The following MRTFA variants were observed in gnomAD, a reference collection of about 807,000 sequenced individuals.
MRTFA encodes myocardin related transcription factor A, also known as myocardin-related transcription factor A.
Under a neutral mutation model 83.5 loss-of-function variants are expected in MRTFA, and 20 were observed. The observed-to-expected ratio is 0.24, with a 90% CI of 0.17 to 0.35. The LOEUF (loss-of-function observed/expected upper bound fraction) is 0.35, where lower values mean the gene tolerates loss of function less well. Among genes scored for constraint, MRTFA ranks in the 10% least tolerant of loss-of-function variants. MRTFA has a pLI of 1.00. For synonymous variants in MRTFA, 659 were observed against 541.2 expected (o/e 1.22, Z -3.02); for missense variants, 1,200 against 1,224.7 (o/e 0.98, Z 0.30).
chr22:40,440,187 A>G (rs1303779079), intron 4 of MRTFA, among the ~76,000 whole-genome samples: 1 of 151,984 alleles, frequency 6.6e-6, no homozygotes, highest in Non-Finnish European at 1.5e-5. Context: ...CAAGATCATA[A>G]TGACCAATCC....
chr22:40,498,271 ATATTTTTTTTTTT>A (rs2054393606), intron 3 of MRTFA, among the ~76,000 whole-genome samples: 2 of 81,628 alleles, frequency 2.5e-5, no homozygotes, highest in Non-Finnish European at 4.4e-5. Context: ...ATATATATAT[ATATTTTTTTTTTT>A]TTTTTTTTTT....
At chr22:40,636,443 T>TGGGGGAGGGGTCCCCA (rs1359718808) in intron 1 of MRTFA, 35 bp downstream of exon 1, 3 of 151,470 alleles carry the variant, frequency 2.0e-5, no homozygotes, top group Non-Finnish European at 2.9e-5. Flanking sequence ...GAGGCCGCGG[T>TGGGGGAGGGGTCCCCA]GGGGGAGGGG....
At chr22:40,533,725 T>C in intron 3 of MRTFA, 1 of 664,238 alleles carries the variant, frequency 1.5e-6, no homozygotes, top group Non-Finnish European at 2.1e-6. Flanking sequence ...TTTCACAAAT[T>C]CAATCTGATG....
rs528648414 is a variant in MRTFA at position 40,552,271 on chromosome 22, C to T, written c.76G>A (p.Glu26Lys). Residue 26 changes from glutamate to lysine, a missense_variant, in exon 3 of 15, where the codon GAA becomes AAA. Glu to Lys is a moderately conservative substitution (Grantham distance 56, BLOSUM62 1). Coordinates refer to ENST00000355630, the MANE Select transcript of MRTFA (RefSeq NM_020831.6). ...ACGAGCACTGGTTCATCATCATTTTCGCCGGCCCCTCCTCCGTCCAGCCCA... is the reference window on the plus strand; with the variant it reads ...ACGAGCACTGGTTCATCATCATTTTTGCCGGCCCCTCCTCCGTCCAGCCCA... 19 of 399,016 alleles carry T rather than the reference C, an allele frequency of 4.8e-5. No individual in the cohort carries two copies. The highest frequency in any genetic ancestry group is 3.1e-4 in the Admixed American group (7 of 22,724). The allele number at this position is 399,016 out of a possible 1,614,324, so 24.7% of individuals were successfully genotyped here. A position where few individuals can be genotyped will look rare whatever the true frequency, so the allele number is the denominator to read the frequency against.
chr22:40,412,693 C>T (rs1260837462), intron 14 of MRTFA: 1 of 152,162 alleles, frequency 6.6e-6, no homozygotes. Flanking sequence ...GCAGTTGCTA[C>T]AGGCTGGCGG....
At chr22:40,631,216 T>C (rs983065983) in intron 1 of MRTFA, among the ~76,000 whole-genome samples, 1 of 152,204 alleles carries the variant, frequency 6.6e-6, no homozygotes, top group African/African-American at 2.4e-5. Flanking sequence ...GGTTAACATT[T>C]AAATGCCTCC....
intron 1 of MRTFA, among the ~76,000 whole-genome samples, chr22:40,632,450 A>T (rs1569361404): frequency 7.0e-6 from 1 of 143,822 alleles, no homozygotes; most frequent in Admixed American, 7.0e-5. Context: ...CTCCCAGATA[A>T]TTTTTTTTTT....
intron 1 of MRTFA, among the ~76,000 whole-genome samples, chr22:40,599,903 T>TAA (rs61576273): frequency 3.2e-5 from 4 of 123,416 alleles, no homozygotes; most frequent in Non-Finnish European, 6.7e-5. Context: ...GCTGTGTCTT[T>TAA]AAAAAAAAAA....
At chr22:40,568,125 C>T (rs1009235046) in intron 2 of MRTFA, among the ~76,000 whole-genome samples, 5 of 152,210 alleles carry the variant, frequency 3.3e-5, no homozygotes, top group African/African-American at 9.6e-5. Flanking sequence ...AGCTTCTAAG[C>T]ACCTACCAGA....
intron 3 of MRTFA, among the ~76,000 whole-genome samples, chr22:40,474,919 G>A (rs939315968): frequency 2.6e-5 from 4 of 151,976 alleles, no homozygotes; most frequent in African/African-American, 9.7e-5. Flanking sequence ...GCTCAATGCA[G>A]CCTCCGCCTC....
chr22:40,530,842 C>G (rs1337038099), intron 3 of MRTFA, among the ~76,000 whole-genome samples: 2 of 152,168 alleles, frequency 1.3e-5, no homozygotes, highest in African/African-American at 4.8e-5. Flanking sequence ...GTAGAAGATT[C>G]ATTTCTTAAT....
chr22:40,571,921 C>CAAAAA (rs557782525), intron 2 of MRTFA, among the ~76,000 whole-genome samples: 152 of 18,136 alleles, frequency 8.4e-3, no homozygotes, highest in Middle Eastern at 0.022. Context: ...AAGACTCTGT[C>CAAAAA]AAAAAAAAAA....
chr22:40,423,653 G>A lies in MRTFA; in HGVS notation c.810C>T (p.Ser270=), dbSNP rs1240909050. The A allele has an allele frequency of 1.3e-6, 2 of 1,584,540 alleles. No individual in the cohort carries two copies. Among genetic ancestry groups the A allele is most frequent in the Admixed American group, 1.8e-5 (1 of 56,990 alleles). ...GCTCTGCCAGGAAAAGCATTTCTCT[G>A]GAATCCCGGCCCATCGGAAGTTGAG... Residue 270 remains serine, a synonymous_variant, in exon 9 of 15, where the codon TCC becomes TCT. Coordinates refer to ENST00000355630, the MANE Select transcript of MRTFA (RefSeq NM_020831.6).
Position 40,508,897 on chromosome 22 carries a change from G to A in MRTFA, c.241+43209C>T, listed in dbSNP as rs533208110. On this transcript the variant is annotated intron_variant, in intron 3 of 14. Transcript: ENST00000355630. Reference sequence around the variant, plus strand: ...TTTCTAAGATTATCATATGCTTTGTGTTCACGGTAGCTTTTAACAAGGTGC... The same window carrying A: ...TTTCTAAGATTATCATATGCTTTGTATTCACGGTAGCTTTTAACAAGGTGC... Among the ~76,000 whole-genome samples the A allele has an allele frequency of 2.3e-4, 35 of 151,652 alleles. No homozygotes were observed. The East Asian group carries it at 3.5e-3, about 15-fold the overall frequency.
At chr22:40,485,296 A>C (rs979747246) in intron 3 of MRTFA, among the ~76,000 whole-genome samples, 1 of 152,204 alleles carries the variant, frequency 6.6e-6, no homozygotes, top group African/African-American at 2.4e-5. Context: ...TAGTAGTTTC[A>C]GAAAAATGAA....
chr22:40,589,524 C>T (rs1290033508), intron 2 of MRTFA, among the ~76,000 whole-genome samples: 2 of 152,130 alleles, frequency 1.3e-5, no homozygotes, highest in Non-Finnish European at 2.9e-5. Context: ...CCAAGGGATA[C>T]ATGAGAAGAC....
Position 40,419,097 on chromosome 22 carries a change from C to G in MRTFA, c.1641G>C (p.Thr547=). 1 of 1,597,978 alleles carries G rather than the reference C, an allele frequency of 6.3e-7. No homozygotes were observed. ...TGGGAGACACGGGGGGCGTGGAGCC[C>G]GTGCTGCCAAACTTCACCACCCCAC... is the stretch of plus-strand genomic sequence containing the variant. Residue 547 remains threonine, a synonymous_variant, in exon 12 of 15, where the codon ACG becomes ACC. Coordinates refer to ENST00000355630, the MANE Select transcript of MRTFA (RefSeq NM_020831.6).
chr22:40,554,031 G>A (rs1038597227), intron 2 of MRTFA, among the ~76,000 whole-genome samples: 9 of 152,174 alleles, frequency 5.9e-5, no homozygotes, highest in African/African-American at 2.2e-4. Flanking sequence ...CTTGCATGGG[G>A]CCTGTAGCCC....
intron 1 of MRTFA, among the ~76,000 whole-genome samples, chr22:40,598,826 TA>T (rs34817595): frequency 0.076 from 10,359 of 136,734 alleles, 401 homozygotes; most frequent in Middle Eastern, 0.2. Context: ...GTCGCTACTT[TA>T]AAAAAAAAAA....
Sources: allele counts gnomAD v4.1 joint callset (sites outside exome capture counted in the v4.1 genomes callset), GRCh38; gene constraint gnomAD v4.1.1; transcripts MANE v1.5; gene names NCBI Gene and HGNC (gene_info 2026-07-23, HGNC 2026-07-21).